The following COBL variants were observed in gnomAD, a reference collection of about 807,000 sequenced individuals.
COBL encodes the protein protein cordon-bleu.
COBL carries 51 observed loss-of-function variants against 98.8 expected under a neutral mutation model. That is an observed-to-expected ratio of 0.52 (90% CI 0.41 to 0.65). The LOEUF is 0.65. COBL is among the 30% of genes least tolerant of loss of function. The pLI is 0.00. For missense variants in COBL, 1,617 were observed against 1,617.5 expected, an observed-to-expected ratio of 1.00 and a Z score of 0.01; for synonymous variants, 634 against 651.7, an observed-to-expected ratio of 0.97 and a Z score of 0.41.
chr7:51,058,216 C>T (rs1790961802), intron 7 of COBL, among the ~76,000 whole-genome samples: 1 of 151,902 alleles, frequency 6.6e-6, no homozygotes, highest in Non-Finnish European at 1.5e-5. Context: ...ACTTTGTACT[C>T]AACAGATTAA....
At chr7:51,055,011 G>A (rs569217340) in intron 7 of COBL, among the ~76,000 whole-genome samples, 3 of 152,328 alleles carry the variant, frequency 2.0e-5, no homozygotes, top group Admixed American at 6.5e-5. Context: ...GGGGAGCCAG[G>A]AGACAGGGGG....
At chr7:51,025,064 C>T (rs1787389857) in intron 12 of COBL, 45 bp downstream of exon 12, 3 of 1,611,242 alleles carry the variant, frequency 1.9e-6, no homozygotes, top group Non-Finnish European at 2.5e-6. Context: ...GCTGCACCTC[C>T]AACCCTCTGG....
intron 6 of COBL, among the ~76,000 whole-genome samples, chr7:51,092,906 G>A (rs1794945039): frequency 6.6e-6 from 1 of 150,986 alleles, no homozygotes. Flanking sequence ...TTTAATCCAT[G>A]AACATGAAAC....
chr7:51,045,813 AG>A (rs1300273050), intron 7 of COBL, among the ~76,000 whole-genome samples: 1 of 152,220 alleles, frequency 6.6e-6, no homozygotes, highest in Non-Finnish European at 1.5e-5. Flanking sequence ...AATAAAAAAA[AG>A]TTGAGAGCCT....
rs992645718 is a variant in COBL at position 51,203,621 on chromosome 7, T to TA, written c.246-10033dup. ...ATACACTAACAAATCACATCATCCC[T>TA]AAAAAAAAAGAAAAAAATGGATAAA... On this transcript the variant is annotated intron_variant, in intron 2 of 12. Transcript: ENST00000265136. Among the ~76,000 whole-genome samples the TA allele has an allele frequency of 3.6e-3, 531 of 148,836 alleles. 4 individuals carry two copies. The highest frequency in any genetic ancestry group is 0.012 in the African/African-American group (494 of 40,514).
chr7:51,059,897 A>G (rs2128908749), intron 7 of COBL, among the ~76,000 whole-genome samples: 1 of 152,198 alleles, frequency 6.6e-6, no homozygotes, highest in African/African-American at 2.4e-5. Context: ...TAACTGTTCA[A>G]TCCTCATCTC....
At chr7:51,112,960 A>G (rs1796967240) in intron 6 of COBL, among the ~76,000 whole-genome samples, 1 of 152,218 alleles carries the variant, frequency 6.6e-6, no homozygotes, top group Admixed American at 6.5e-5. Context: ...AACCGAAAAT[A>G]AATTTATTAA....
intron 1 of COBL, among the ~76,000 whole-genome samples, chr7:51,232,158 A>G (rs1794811794): frequency 6.6e-6 from 1 of 152,212 alleles, no homozygotes; most frequent in Non-Finnish European, 1.5e-5. Context: ...AAGAATGACT[A>G]CAATCTGTTG....
rs1022347140 is a variant in COBL, at chr7:51,017,424, G to A, written c.*127C>T. The A allele has an allele frequency of 6.7e-5, 52 of 775,974 alleles. No individual in the cohort carries two copies. In the African/African-American group the frequency reaches 1.5e-3, roughly 22 times the overall value. The allele number at this position is 775,974 out of a possible 1,614,324, so 48.1% of individuals were successfully genotyped here. On this transcript the variant is annotated 3_prime_UTR_variant, in exon 13 of 13. Coordinates refer to ENST00000265136, the MANE Select transcript of COBL (RefSeq NM_015198.5). The stretch of plus-strand genomic sequence containing the variant: ...TACAGGAACACACCGAAAATCAACT[G>A]TGCGCATTTGGCCTGTAGACAAGAA...
intron 4 of COBL, chr7:51,188,098 G>T: frequency 1.6e-6 from 1 of 628,418 alleles, no homozygotes; most frequent in Non-Finnish European, 2.3e-6. Context: ...GGGTCAGCTT[G>T]CCTCTCTGGG....
At chr7:51,062,915 C>A (rs1020187230) in intron 7 of COBL, among the ~76,000 whole-genome samples, 2 of 152,170 alleles carry the variant, frequency 1.3e-5, no homozygotes, top group Non-Finnish European at 2.9e-5. Context: ...GAGTCCTTGA[C>A]ATGCATTTGC....
At chr7:51,287,205 T>C (rs561071833) in intron 1 of COBL, among the ~76,000 whole-genome samples, 1 of 152,142 alleles carries the variant, frequency 6.6e-6, no homozygotes, top group African/African-American at 2.4e-5. Context: ...AATATACCCA[T>C]GTAACAAAAC....
intron 5 of COBL, chr7:51,156,697 TTCACAC>T (rs1786166738): frequency 8.1e-6 from 1 of 123,532 alleles, no homozygotes; most frequent in African/African-American, 5.8e-5. Flanking sequence ...AAAACCACCC[TTCACAC>T]ACACACACAC....
intron 1 of COBL, among the ~76,000 whole-genome samples, chr7:51,223,762 G>C (rs1793892324): frequency 6.6e-6 from 1 of 152,208 alleles, no homozygotes; most frequent in Non-Finnish European, 1.5e-5. Context: ...ATCTACGTTG[G>C]CTGCACTGTG....
At position 51,025,140 on chromosome 7, in the gene COBL, C is replaced by A; in HGVS notation, c.3737G>T (p.Arg1246Leu). Reference sequence around the variant, plus strand: ...CAGTCTCGCAGCCCCTGTGCCGGAGCGGATGGCGTCCATCAAGGCTTGCCT... The same window carrying A: ...CAGTCTCGCAGCCCCTGTGCCGGAGAGGATGGCGTCCATCAAGGCTTGCCT... ...DARQALMDAIRSGTGAARLRK... is the reference protein window; with the variant it reads ...DARQALMDAILSGTGAARLRK... Residue 1246 changes from arginine to leucine, a missense_variant, in exon 12 of 13, where the codon CGC becomes CTC. Transcript: ENST00000265136. 6.2e-7 allele frequency: 1 copy of A among 1,607,872 alleles called. No individual in the cohort carries two copies. Among genetic ancestry groups the A allele is most frequent in the Non-Finnish European group, 8.5e-7 (1 of 1,177,454 alleles).
intron 7 of COBL, among the ~76,000 whole-genome samples, chr7:51,044,978 T>C (rs974229876): frequency 6.6e-6 from 1 of 152,162 alleles, no homozygotes; most frequent in Non-Finnish European, 1.5e-5. Context: ...AAAAAAGGAA[T>C]AGTTTAGAGC....
chr7:51,277,683 A>G (rs192767012), intron 1 of COBL, among the ~76,000 whole-genome samples: 152 of 152,128 alleles, frequency 1.0e-3, no homozygotes, highest in African/African-American at 3.4e-3. Context: ...AGGGTGGAAT[A>G]CTCTGCCCAT....
At chr7:51,077,939 G>A (rs1793248456) in intron 7 of COBL, among the ~76,000 whole-genome samples, 1 of 152,132 alleles carries the variant, frequency 6.6e-6, no homozygotes. Flanking sequence ...CTTCAACAGT[G>A]ATTCACCATC....
intron 6 of COBL, among the ~76,000 whole-genome samples, chr7:51,120,291 T>C (rs1272060105): frequency 6.6e-6 from 1 of 151,988 alleles, no homozygotes; most frequent in Non-Finnish European, 1.5e-5. Context: ...TCAAATAAAT[T>C]TACCCACTAA....
Sources: gnomAD v4.1 joint callset for allele counts (sites outside exome capture counted in the v4.1 genomes callset) on GRCh38, gnomAD v4.1.1 for gene constraint, MANE v1.5 for transcripts, NCBI Gene and HGNC (gene_info 2026-07-23, HGNC 2026-07-21) for gene names.